The following MYRIP variants were observed in gnomAD, a reference collection of about 807,000 sequenced individuals.
The protein encoded by MYRIP is myosin VIIA and Rab interacting protein, also known as rab effector MyRIP.
A neutral mutation model predicts 98.0 loss-of-function variants in MYRIP; 49 were observed. The ratio of observed to expected loss-of-function variants is 0.50; its 90% CI spans 0.40 to 0.63. MYRIP has a LOEUF of 0.63. MYRIP is among the 30% of genes least tolerant of loss of function. The pLI is 0.00. For missense variants in MYRIP, 1,004 were observed against 1,058.2 expected, an observed-to-expected ratio of 0.95 and a Z score of 0.71; for synonymous variants, 404 against 409.5, an observed-to-expected ratio of 0.99 and a Z score of 0.16.
intron 16 of MYRIP, among the ~76,000 whole-genome samples, chr3:40,252,491 A>G (rs960199585): frequency 6.6e-6 from 1 of 152,240 alleles, no homozygotes; most frequent in Non-Finnish European, 1.5e-5. Flanking sequence ...AGAAATTTTT[A>G]CCCTGGCACA....
At chr3:40,039,339 T>C (rs1271853551) in intron 2 of MYRIP, among the ~76,000 whole-genome samples, 1 of 152,088 alleles carries the variant, frequency 6.6e-6, no homozygotes, top group Non-Finnish European at 1.5e-5. Flanking sequence ...TAAAAAGTCT[T>C]GTCTAACTTT....
chr3:40,002,169 G>A (rs1388455806), intron 2 of MYRIP, among the ~76,000 whole-genome samples: 1 of 152,170 alleles, frequency 6.6e-6, no homozygotes, highest in African/African-American at 2.4e-5. Flanking sequence ...AACTTAAGGT[G>A]TATGAACACA....
At chr3:40,213,008 T>C (rs1363174764) in intron 11 of MYRIP, among the ~76,000 whole-genome samples, 1 of 152,214 alleles carries the variant, frequency 6.6e-6, no homozygotes, top group Non-Finnish European at 1.5e-5. Context: ...CTTACCTCAC[T>C]GCTACTACTT....
intron 2 of MYRIP, among the ~76,000 whole-genome samples, chr3:40,008,907 G>T (rs1222204661): frequency 6.6e-6 from 1 of 152,196 alleles, no homozygotes; most frequent in Non-Finnish European, 1.5e-5. Context: ...GATGTTTCCA[G>T]CAGGTGCACC....
intron 3 of MYRIP, among the ~76,000 whole-genome samples, chr3:40,129,389 C>T (rs935129509): frequency 2.5e-5 from 3 of 122,304 alleles, no homozygotes; most frequent in African/African-American, 6.2e-5. Context: ...TGCAGTGAGC[C>T]GAGATAAAAC....
chr3:39,961,665 C>G (rs1287605466), intron 2 of MYRIP, among the ~76,000 whole-genome samples: 1 of 152,100 alleles, frequency 6.6e-6, no homozygotes, highest in African/African-American at 2.4e-5. Context: ...TTTGAAATAA[C>G]CCGTTACTAG....
chr3:39,972,386 G>T (rs1391896556), intron 2 of MYRIP, among the ~76,000 whole-genome samples: 1 of 151,992 alleles, frequency 6.6e-6, no homozygotes, highest in African/African-American at 2.4e-5. Flanking sequence ...GTTTTTGGGT[G>T]AAAATAGCAC....
rs76320464 is a variant in MYRIP at position 40,094,055 on chromosome 3, C to G, written c.332+49784C>G. Among the ~76,000 whole-genome samples the G allele has an allele frequency of 6.1e-3, 922 of 152,218 alleles. 10 individuals carry two copies. The highest frequency in any genetic ancestry group is 0.021 in the African/African-American group (866 of 41,516). ...CCTGGAAAGTTTCCCCTTCCCTCCC[C>G]CTTCACATGTCCCAATTTTATTCTG... On this transcript the variant is annotated intron_variant, in intron 3 of 16. Coordinates refer to ENST00000302541, the MANE Select transcript of MYRIP (RefSeq NM_015460.4).
At chr3:40,060,888 C>T (rs567649252) in intron 3 of MYRIP, among the ~76,000 whole-genome samples, 43 of 152,042 alleles carry the variant, frequency 2.8e-4, no homozygotes, top group African/African-American at 7.2e-4. Flanking sequence ...GCACCACGCC[C>T]GACCTAGATA....
intron 2 of MYRIP, among the ~76,000 whole-genome samples, chr3:39,940,473 ATT>A (rs1944758346): frequency 6.6e-6 from 1 of 152,136 alleles, no homozygotes; most frequent in Non-Finnish European, 1.5e-5. Context: ...TAGTGGAAGA[ATT>A]TTGAATGTTG....
At chr3:39,932,631 C>T (rs980690914) in intron 2 of MYRIP, among the ~76,000 whole-genome samples, 4 of 152,110 alleles carry the variant, frequency 2.6e-5, no homozygotes, top group Non-Finnish European at 4.4e-5. Flanking sequence ...GTGATCTACC[C>T]GCCTTGGCCT....
At chr3:40,193,408 C>A (rs1951299060) in intron 10 of MYRIP, among the ~76,000 whole-genome samples, 1 of 152,168 alleles carries the variant, frequency 6.6e-6, no homozygotes, top group Non-Finnish European at 1.5e-5. Context: ...CTCCTTAACC[C>A]CCTTGGTTCA....
intron 12 of MYRIP, among the ~76,000 whole-genome samples, chr3:40,235,366 C>G (rs1952798283): frequency 1.3e-5 from 2 of 151,924 alleles, no homozygotes; most frequent in Non-Finnish European, 2.9e-5. Flanking sequence ...AAAAAAAGTA[C>G]ACAATAAATG....
At chr3:40,122,633 T>G (rs899132135) in intron 3 of MYRIP, among the ~76,000 whole-genome samples, 2 of 151,898 alleles carry the variant, frequency 1.3e-5, no homozygotes, top group African/African-American at 2.4e-5. Flanking sequence ...CAACTTTTTC[T>G]CATTCATTTG....
At chr3:40,030,361 T>C (rs1947232113) in intron 2 of MYRIP, among the ~76,000 whole-genome samples, 2 of 152,084 alleles carry the variant, frequency 1.3e-5, no homozygotes, top group South Asian at 4.1e-4. Context: ...GGGGAGGATG[T>C]GGAGAAATTC....
At chr3:39,841,852 G>T (rs567141504) in intron 1 of MYRIP, among the ~76,000 whole-genome samples, 2 of 152,152 alleles carry the variant, frequency 1.3e-5, no homozygotes, top group Admixed American at 6.5e-5. Context: ...GGGGCACCCC[G>T]CAGATGCCAG....
At chr3:40,083,224 G>C (rs948013481) in intron 3 of MYRIP, among the ~76,000 whole-genome samples, 1 of 152,218 alleles carries the variant, frequency 6.6e-6, no homozygotes, top group Non-Finnish European at 1.5e-5. Context: ...TGTGATTCCA[G>C]TCAGGGAATG....
At chr3:40,072,426 C>T (rs1948250866) in intron 3 of MYRIP, among the ~76,000 whole-genome samples, 1 of 152,124 alleles carries the variant, frequency 6.6e-6, no homozygotes, top group East Asian at 1.9e-4. Flanking sequence ...AGGCTGGTCT[C>T]GAACTGCTGA....
Position 40,129,922 on chromosome 3 carries a change from G to A in MYRIP, c.333-21126G>A, listed in dbSNP as rs78254636. 4.4e-4 allele frequency among the ~76,000 whole-genome samples: 67 copies of A among 152,256 alleles called. No homozygotes were observed. In the East Asian group the frequency reaches 0.012, roughly 26 times the overall value. Reference sequence around the variant, plus strand: ...TCTGTCTTCTAATGAGAATACACATGTTTACAAATTTACTTGTGTCATAGA... The same window carrying A: ...TCTGTCTTCTAATGAGAATACACATATTTACAAATTTACTTGTGTCATAGA... On this transcript the variant is annotated intron_variant, in intron 3 of 16. Transcript: ENST00000302541.
Sources: allele counts gnomAD v4.1 joint callset (sites outside exome capture counted in the v4.1 genomes callset), GRCh38; gene constraint gnomAD v4.1.1; transcripts MANE v1.5; gene names NCBI Gene and HGNC (gene_info 2026-07-23, HGNC 2026-07-21).